The following COX7B2 variants were observed in gnomAD, a reference collection of about 807,000 sequenced individuals.
COX7B2 encodes the protein cytochrome c oxidase subunit 7B2, also known as cytochrome c oxidase subunit 7B2, mitochondrial.
For missense variants in COX7B2, 109 were observed against 95.9 expected (o/e 1.14, Z -0.57); for synonymous variants, 37 against 32.1 (o/e 1.15, Z -0.51).
intron 2 of COX7B2, among the ~76,000 whole-genome samples, chr4:46,794,425 T>C (rs904530992): frequency 6.6e-6 from 1 of 152,056 alleles, no homozygotes; most frequent in Non-Finnish European, 1.5e-5. Context: ...TATAGGAAGG[T>C]ATTCAAAGGC....
chr4:46,887,904 C>G (rs531142488), intron 1 of COX7B2, among the ~76,000 whole-genome samples: 1 of 151,964 alleles, frequency 6.6e-6, no homozygotes. Context: ...ATTCTGTTGT[C>G]GTCTCCTAGA....
chr4:46,842,974 C>T (rs1716034181), intron 2 of COX7B2, among the ~76,000 whole-genome samples: 1 of 151,916 alleles, frequency 6.6e-6, no homozygotes, highest in Middle Eastern at 3.2e-3. Context: ...GAGGAATCGC[C>T]ACACTGATTT....
intron 2 of COX7B2, among the ~76,000 whole-genome samples, chr4:46,757,223 T>A (rs1308511772): frequency 6.6e-6 from 1 of 151,750 alleles, no homozygotes; most frequent in Non-Finnish European, 1.5e-5. Flanking sequence ...AAATCAAATA[T>A]TATATGTTCT....
At chr4:46,814,342 G>A (rs928850716) in intron 2 of COX7B2, among the ~76,000 whole-genome samples, 12 of 152,200 alleles carry the variant, frequency 7.9e-5, no homozygotes, top group Admixed American at 3.9e-4. Flanking sequence ...TACAAAATTC[G>A]GCTTTCCAGT....
intron 1 of COX7B2, among the ~76,000 whole-genome samples, chr4:46,847,289 G>A (rs1716348235): frequency 6.6e-6 from 1 of 152,052 alleles, no homozygotes; most frequent in South Asian, 2.1e-4. Context: ...ATCATGTGGG[G>A]GAAACAATCT....
chr4:46,756,801 A>C (rs1715829610), intron 2 of COX7B2, among the ~76,000 whole-genome samples: 1 of 152,074 alleles, frequency 6.6e-6, no homozygotes, highest in Non-Finnish European at 1.5e-5. Context: ...GTTTGCAAGA[A>C]TGTGGAGAAA....
At chr4:46,827,998 T>C (rs899072223) in intron 2 of COX7B2, among the ~76,000 whole-genome samples, 3 of 152,142 alleles carry the variant, frequency 2.0e-5, no homozygotes, top group African/African-American at 7.2e-5. Flanking sequence ...ATTTTCTATA[T>C]GTTGTTTGCG....
chr4:46,741,472 C>G (rs567093027), intron 2 of COX7B2, among the ~76,000 whole-genome samples: 88 of 152,154 alleles, frequency 5.8e-4, no homozygotes, highest in African/African-American at 2.0e-3. Context: ...ATTCCCAGTT[C>G]AGAACCACTG....
intron 2 of COX7B2, among the ~76,000 whole-genome samples, chr4:46,820,846 T>C (rs866619989): frequency 6.8e-6 from 1 of 147,340 alleles, no homozygotes; most frequent in Admixed American, 6.8e-5. Context: ...TATATATATA[T>C]ATATATAGAT....
chr4:46,801,896 A>G (rs1054503917), intron 2 of COX7B2, among the ~76,000 whole-genome samples: 4 of 152,080 alleles, frequency 2.6e-5, no homozygotes, highest in Admixed American at 1.3e-4. Context: ...TAGTGGGGGG[A>G]AAAAAGAAGT....
chr4:46,829,042 CA>C (rs1256506868), intron 2 of COX7B2, among the ~76,000 whole-genome samples: 5 of 152,248 alleles, frequency 3.3e-5, no homozygotes, highest in African/African-American at 1.2e-4. Flanking sequence ...ATGAAGACAA[CA>C]GCAGTATTCT....
intron 1 of COX7B2, among the ~76,000 whole-genome samples, chr4:46,886,864 G>C (rs1485480530): frequency 6.6e-6 from 1 of 152,082 alleles, no homozygotes; most frequent in Non-Finnish European, 1.5e-5. Context: ...CAGATTTAAG[G>C]AACACTTGAT....
rs143599528 is a variant in COX7B2 at position 46,815,921 on chromosome 4, C to T, written c.-50+29039G>A. On this transcript the variant is annotated intron_variant, in intron 2 of 2. Transcript: ENST00000355591. Reference sequence around the variant, plus strand: ...TTTACCTTTCTGTTTTGAAAAAATACCAATGCTTATAAGATTTATCAAACC... The same window carrying T: ...TTTACCTTTCTGTTTTGAAAAAATATCAATGCTTATAAGATTTATCAAACC... Among the ~76,000 whole-genome samples the T allele has an allele frequency of 6.1e-3, 924 of 152,178 alleles. 7 individuals carry two copies. The highest frequency in any genetic ancestry group is 0.01 in the Middle Eastern group (3 of 294).
At chr4:46,865,645 G>A (rs1360534450) in intron 1 of COX7B2, among the ~76,000 whole-genome samples, 1 of 152,120 alleles carries the variant, frequency 6.6e-6, no homozygotes, top group Non-Finnish European at 1.5e-5. Context: ...GCCACTCTAA[G>A]GTCCACCCAG....
intron 2 of COX7B2, among the ~76,000 whole-genome samples, chr4:46,820,498 C>T (rs950328615): frequency 6.6e-6 from 1 of 152,100 alleles, no homozygotes; most frequent in African/African-American, 2.4e-5. Context: ...TTGGGGATCC[C>T]AGCTCTATCT....
chr4:46,735,328 G>A, intron 2 of COX7B2, 87 bp from the exon 3 acceptor site: 1 of 970,862 alleles, frequency 1.0e-6, no homozygotes. Flanking sequence ...ACCCCTTGGA[G>A]TGGTGTTCAG....
intron 2 of COX7B2, among the ~76,000 whole-genome samples, chr4:46,801,788 C>T (rs1238638505): frequency 1.3e-5 from 2 of 152,154 alleles, no homozygotes; most frequent in South Asian, 4.1e-4. Flanking sequence ...TACTTTATCA[C>T]TTCTTTTTAA....
chr4:46,843,033 T>A (rs1470880712), intron 2 of COX7B2, among the ~76,000 whole-genome samples: 8 of 152,094 alleles, frequency 5.3e-5, no homozygotes, highest in Non-Finnish European at 2.9e-5. Context: ...GTAAAAGTGT[T>A]CCTATTTCTC....
At chr4:46,860,964 G>A (rs1717301920) in intron 1 of COX7B2, among the ~76,000 whole-genome samples, 1 of 152,114 alleles carries the variant, frequency 6.6e-6, no homozygotes, top group African/African-American at 2.4e-5. Flanking sequence ...ACCCTCACTG[G>A]CCAATACCCA....
Sources: gnomAD v4.1 joint callset for allele counts (sites outside exome capture counted in the v4.1 genomes callset) on GRCh38, gnomAD v4.1.1 for gene constraint, MANE v1.5 for transcripts, NCBI Gene and HGNC (gene_info 2026-07-23, HGNC 2026-07-21) for gene names.